The following PIK3C2G variants were observed in gnomAD, a reference collection of about 807,000 sequenced individuals.
The protein encoded by PIK3C2G is phosphatidylinositol-4-phosphate 3-kinase catalytic subunit type 2 gamma, also known as phosphatidylinositol 3-kinase C2 domain-containing subunit gamma.
In PIK3C2G, 168 loss-of-function variants were observed where a neutral mutation model predicts 181.1. The observed-to-expected ratio is 0.93, with a 90% CI of 0.82 to 1.05. The LOEUF is 1.05. PIK3C2G is among the 50% of genes least tolerant of loss of function. The pLI is 0.00. For missense variants in PIK3C2G, 1,869 were observed against 1,732.8 expected (o/e 1.08, Z -1.40); for synonymous variants, 573 against 592.2 (o/e 0.97, Z 0.47).
intron 26 of PIK3C2G, among the ~76,000 whole-genome samples, chr12:18,557,461 A>T (rs1945072261): frequency 6.6e-6 from 1 of 152,168 alleles, no homozygotes; most frequent in Non-Finnish European, 1.5e-5. Flanking sequence ...ATGTAGAACC[A>T]TTCATTTAGG....
At chr12:18,538,861 G>A (rs1944003579) in intron 25 of PIK3C2G, among the ~76,000 whole-genome samples, 1 of 151,830 alleles carries the variant, frequency 6.6e-6, no homozygotes, top group Non-Finnish European at 1.5e-5. Context: ...ACTCTCTTGT[G>A]ACCAACAGGG....
chr12:18,556,744 G>A (rs894881591), intron 26 of PIK3C2G, among the ~76,000 whole-genome samples: 4 of 152,130 alleles, frequency 2.6e-5, no homozygotes, highest in African/African-American at 9.7e-5. Flanking sequence ...AAGAAATAAT[G>A]TTTTGTACTG....
chr12:18,617,655 G>T (rs1948663801), intron 31 of PIK3C2G, among the ~76,000 whole-genome samples: 1 of 152,108 alleles, frequency 6.6e-6, no homozygotes, highest in Non-Finnish European at 1.5e-5. Flanking sequence ...ACCTGTTCTT[G>T]CCAGATACTG....
At chr12:18,303,519 G>T (rs1032003787) in intron 5 of PIK3C2G, among the ~76,000 whole-genome samples, 3 of 151,932 alleles carry the variant, frequency 2.0e-5, no homozygotes, top group African/African-American at 7.3e-5. Flanking sequence ...ATTTTTAGTG[G>T]AGACAGGTCT....
chr12:18,720,047 C>G, the PIK3C2G span, among the ~76,000 whole-genome samples: 1 of 152,024 alleles, frequency 6.6e-6, no homozygotes, highest in East Asian at 1.9e-4. Flanking sequence ...ACTGATCTGA[C>G]TTCGAAAAGC....
intron 30 of PIK3C2G, among the ~76,000 whole-genome samples, chr12:18,607,617 A>G (rs570987568): frequency 1.3e-5 from 2 of 152,290 alleles, no homozygotes; most frequent in South Asian, 4.1e-4. Context: ...CCTAGGCAAT[A>G]CCATTCAGGA....
At chr12:18,244,955 G>A (rs1341526277), upstream of PIK3C2G, among the ~76,000 whole-genome samples, 1 of 152,016 alleles carries the variant, frequency 6.6e-6, no homozygotes, top group Non-Finnish European at 1.5e-5. Flanking sequence ...CTTTTGGGTG[G>A]CTCCAAGCAA....
chr12:18,406,884 T>C (rs80351819), intron 16 of PIK3C2G, among the ~76,000 whole-genome samples: 1,523 of 152,286 alleles, frequency 0.01, 28 homozygotes, highest in African/African-American at 0.035. Context: ...GGTGGAGTTA[T>C]ATAAACACAA....
At chr12:18,541,882 C>T (rs1944172329) in intron 25 of PIK3C2G, among the ~76,000 whole-genome samples, 2 of 151,838 alleles carry the variant, frequency 1.3e-5, no homozygotes, top group South Asian at 4.1e-4. Context: ...CTCAAAGTCT[C>T]CTCTCCAAGG....
At chr12:18,685,470 G>C in the PIK3C2G span, 1 of 216,912 alleles carries the variant, frequency 4.6e-6, no homozygotes, top group Admixed American at 4.5e-5. Flanking sequence ...TATGTCAATA[G>C]TTTTTGTTCT....
intron 24 of PIK3C2G, among the ~76,000 whole-genome samples, chr12:18,528,001 T>G (rs907772006): frequency 3.3e-5 from 5 of 152,138 alleles, no homozygotes; most frequent in Non-Finnish European, 5.9e-5. Context: ...TAACTAAGGC[T>G]GTCCTTAGTT....
the PIK3C2G span, among the ~76,000 whole-genome samples, chr12:18,680,494 A>T: frequency 1.3e-5 from 2 of 152,048 alleles, no homozygotes; most frequent in Admixed American, 1.3e-4. Context: ...ACCTCCAGTG[A>T]CCATCATTTC....
At chr12:18,318,050 T>G (rs1338661544) in intron 6 of PIK3C2G, among the ~76,000 whole-genome samples, 3 of 152,232 alleles carry the variant, frequency 2.0e-5, no homozygotes, top group Non-Finnish European at 4.4e-5. Context: ...TAATTTGCAT[T>G]AAAACATTTA....
At chr12:18,495,994 G>T in intron 20 of PIK3C2G, 68 bp from the exon 21 acceptor site, 1 of 751,542 alleles carries the variant, frequency 1.3e-6, no homozygotes, top group East Asian at 3.0e-5. Context: ...TGGGGAAAAG[G>T]TTTGCTTTTT....
At chr12:18,618,139 G>A (rs909680168) in intron 31 of PIK3C2G, among the ~76,000 whole-genome samples, 16 of 151,744 alleles carry the variant, frequency 1.1e-4, no homozygotes, top group African/African-American at 3.9e-4. Flanking sequence ...TGTACCTGTA[G>A]AGCTGTGCCC....
intron 24 of PIK3C2G, among the ~76,000 whole-genome samples, chr12:18,505,743 G>A (rs1941785199): frequency 6.6e-6 from 1 of 152,166 alleles, no homozygotes; most frequent in African/African-American, 2.4e-5. Context: ...AATATTGTTT[G>A]TTTCCTTATG....
intron 16 of PIK3C2G, among the ~76,000 whole-genome samples, chr12:18,404,339 G>A: frequency 6.6e-6 from 1 of 152,046 alleles, no homozygotes; most frequent in East Asian, 1.9e-4. Flanking sequence ...TATGTGTACA[G>A]ACAAATTGGT....
chr12:18,378,642 A>C (rs1592108505), intron 13 of PIK3C2G, among the ~76,000 whole-genome samples: 1 of 152,228 alleles, frequency 6.6e-6, no homozygotes, highest in Non-Finnish European at 1.5e-5. Context: ...AATATCCAGA[A>C]TCTACAAAGA....
intron 16 of PIK3C2G, among the ~76,000 whole-genome samples, chr12:18,419,023 A>C (rs1451026376): frequency 6.6e-6 from 1 of 152,202 alleles, no homozygotes; most frequent in African/African-American, 2.4e-5. Context: ...CACAGACTAC[A>C]GTGAGGAAGG....
Sources: allele counts gnomAD v4.1 joint callset (sites outside exome capture counted in the v4.1 genomes callset), GRCh38; gene constraint gnomAD v4.1.1; transcripts MANE v1.5; gene names NCBI Gene and HGNC (gene_info 2026-07-23, HGNC 2026-07-21).